The following SEPTIN6 variants were observed in gnomAD, a reference collection of about 807,000 sequenced individuals.
SEPTIN6 encodes the protein septin 6.
SEPTIN6 carries 8 observed loss-of-function variants against 33.6 expected under a neutral mutation model. The ratio of observed to expected loss-of-function variants is 0.24; its 90% CI spans 0.14 to 0.43. The LOEUF (loss-of-function observed/expected upper bound fraction) is 0.43, where lower values mean the gene tolerates loss of function less well. Among genes scored for constraint, SEPTIN6 ranks in the 20% least tolerant of loss-of-function variants. The pLI is 1.00. For synonymous variants in SEPTIN6, 131 were observed against 140.0 expected (o/e 0.94, Z 0.45); for missense variants, 250 against 340.8 (o/e 0.73, Z 2.10).
intron 3 of SEPTIN6, among the ~76,000 whole-genome samples, chrX:119,659,464 G>A (rs770931916): frequency 1.6e-3 from 178 of 111,536 alleles, no homozygotes; most frequent in African/African-American, 5.5e-3. Flanking sequence ...TGCAGTTCTC[G>A]TCTTCCTGGA....
chrX:119,653,147 T>A, intron 3 of SEPTIN6, 107 bp from the exon 4 acceptor site: 1 of 610,718 alleles, frequency 1.6e-6, no homozygotes, highest in Non-Finnish European at 2.5e-6. Context: ...CTCTCTCCCA[T>A]CCAACTGCAT....
At chrX:119,638,910 G>A (rs1243724011) in intron 6 of SEPTIN6, among the ~76,000 whole-genome samples, 1 of 112,094 alleles carries the variant, frequency 8.9e-6, no homozygotes, top group Non-Finnish European at 1.9e-5. Context: ...CCCCTTTTCT[G>A]TTTAGGTTCA....
intron 5 of SEPTIN6, among the ~76,000 whole-genome samples, chrX:119,647,786 T>G (rs2054288226): frequency 9.3e-6 from 1 of 108,018 alleles, no homozygotes; most frequent in South Asian, 3.9e-4. Flanking sequence ...CCTGAGTAGC[T>G]GGGATTACAG....
chrX:119,618,739 C>G lies in SEPTIN6; in HGVS notation c.*1354G>C. On this transcript the variant is annotated 3_prime_UTR_variant, in exon 11 of 11. Transcript: ENST00000394610. Reference sequence around the variant, plus strand: ...TCGGCTTAAAAGGCTAAATGGAGTCCAGTCCAGCTGTAGCGGGGAATACTA... The same window carrying G: ...TCGGCTTAAAAGGCTAAATGGAGTCGAGTCCAGCTGTAGCGGGGAATACTA... 1 of 1,206,620 alleles carries G rather than the reference C, an allele frequency of 8.3e-7. No homozygotes were observed. The highest frequency in any genetic ancestry group is 1.1e-6 in the Non-Finnish European group (1 of 892,820).
chrX:119,671,290 GTTT>G (rs149958364), intron 2 of SEPTIN6, among the ~76,000 whole-genome samples: 1 of 98,311 alleles, frequency 1.0e-5, no homozygotes, highest in Admixed American at 1.1e-4. Context: ...TACACAATAA[GTTT>G]TTTTTTTTTT....
chrX:119,654,772 A>G (rs2054411849), intron 3 of SEPTIN6, among the ~76,000 whole-genome samples: 1 of 110,902 alleles, frequency 9.0e-6, no homozygotes, highest in Non-Finnish European at 1.9e-5. Flanking sequence ...ACTCACTGCA[A>G]CCTCTGCCTC....
intron 9 of SEPTIN6, among the ~76,000 whole-genome samples, chrX:119,626,815 T>C (rs777895949): frequency 9.1e-6 from 1 of 110,396 alleles, no homozygotes; most frequent in South Asian, 3.9e-4. Context: ...GCCTCCTGAG[T>C]AGCTGGGACT....
chrX:119,618,092 G>C lies in SEPTIN6; in HGVS notation c.*2001C>G. ...ATAGAATCATCAAAGTTGCAAATAT[G>C]AAGCCTTTCCCAAGGAGACCTGACA... On this transcript the variant is annotated 3_prime_UTR_variant, in exon 11 of 11. Coordinates refer to ENST00000394610, the MANE Select transcript of SEPTIN6 (RefSeq NM_145799.4). The C allele has an allele frequency of 1.2e-6, 1 of 803,163 alleles. No homozygotes were observed. Among genetic ancestry groups the C allele is most frequent in the Non-Finnish European group, 1.5e-6 (1 of 670,115 alleles). The allele number at this position is 803,163 out of a possible 1,213,427, so 66.2% of individuals were successfully genotyped here. A position where few individuals can be genotyped will look rare whatever the true frequency, so the allele number is the denominator to read the frequency against.
In SEPTIN6 at chrX:119,619,747, T is replaced by G. The variant is rs1384637541; in HGVS notation, c.*346A>C. 31 of 976,190 alleles carry G rather than the reference T, an allele frequency of 3.2e-5. No individual in the cohort carries two copies. Among genetic ancestry groups the G allele is most frequent in the African/African-American group, 4.2e-5 (2 of 47,961 alleles). 80.4% of individuals were successfully genotyped at this position (976,190 alleles called of 1,213,427 possible). A position where few individuals can be genotyped will look rare whatever the true frequency, so the allele number is the denominator to read the frequency against. On this transcript the variant is annotated 3_prime_UTR_variant, in exon 11 of 11. Transcript: ENST00000394610. Reference sequence around the variant, plus strand: ...GAACAGGGGAGCTGGTGGGAAAGAGTAGCAGATGGGCCCCCTGACCATGTC... The same window carrying G: ...GAACAGGGGAGCTGGTGGGAAAGAGGAGCAGATGGGCCCCCTGACCATGTC...
intron 2 of SEPTIN6, among the ~76,000 whole-genome samples, chrX:119,672,208 G>C (rs551824150): frequency 9.0e-6 from 1 of 111,673 alleles, no homozygotes; most frequent in African/African-American, 3.3e-5. Flanking sequence ...TTGACAAGTG[G>C]GGAGCAAAAG....
intron 1 of SEPTIN6, among the ~76,000 whole-genome samples, chrX:119,678,773 T>C (rs1170588994): frequency 9.1e-6 from 1 of 110,348 alleles, no homozygotes; most frequent in Non-Finnish European, 1.9e-5. Context: ...TGAGGTGGAC[T>C]CAGAGTTGAG....
chrX:119,630,556 C>G (rs1269830298), intron 8 of SEPTIN6, among the ~76,000 whole-genome samples: 1 of 112,099 alleles, frequency 8.9e-6, no homozygotes, highest in Non-Finnish European at 1.9e-5. Flanking sequence ...CAAAGAAGAA[C>G]AAGAAGAATA....
chrX:119,687,384 G>C (rs2055075770), intron 1 of SEPTIN6, among the ~76,000 whole-genome samples: 1 of 109,383 alleles, frequency 9.1e-6, no homozygotes, highest in Non-Finnish European at 1.9e-5. Context: ...CAGAGTAGCT[G>C]GGACTACAGG....
intron 2 of SEPTIN6, among the ~76,000 whole-genome samples, chrX:119,671,075 T>C (rs2147610522): frequency 9.0e-6 from 1 of 110,992 alleles, no homozygotes; most frequent in Admixed American, 9.6e-5. Flanking sequence ...TAAACAATAG[T>C]GTGAAAAAAT....
intron 3 of SEPTIN6, among the ~76,000 whole-genome samples, chrX:119,661,153 C>T (rs2054534995): frequency 9.3e-6 from 1 of 107,212 alleles, no homozygotes; most frequent in Admixed American, 1.0e-4. Context: ...TGGCTGGGCA[C>T]GGTGGCTCAC....
At position 119,620,036 on chromosome X, in the gene SEPTIN6, C is replaced by G; in HGVS notation, c.*57G>C. The G allele has an allele frequency of 8.3e-7, 1 of 1,204,024 alleles. No homozygotes were observed. The highest frequency in any genetic ancestry group is 1.1e-6 in the Non-Finnish European group (1 of 891,845). ...GCTCTGTTGCGCAGGAAAAGGGTGT[C>G]TACAGGAAGCCCAAACTGAAAATGA... On this transcript the variant is annotated 3_prime_UTR_variant, in exon 11 of 11. Transcript: ENST00000394610.
intron 1 of SEPTIN6, among the ~76,000 whole-genome samples, chrX:119,679,050 C>A (rs1190793711): frequency 9.0e-6 from 1 of 110,601 alleles, no homozygotes; most frequent in Non-Finnish European, 1.9e-5. Context: ...CAGGTTCAAG[C>A]GATTCTCCTG....
chrX:119,686,302 C>A (rs2055053199), intron 1 of SEPTIN6, among the ~76,000 whole-genome samples: 1 of 111,391 alleles, frequency 9.0e-6, no homozygotes. Context: ...TGAAAGGAAA[C>A]CGAACACGAC....
At chrX:119,669,778 T>C (rs1488143541) in intron 2 of SEPTIN6, among the ~76,000 whole-genome samples, 1 of 111,750 alleles carries the variant, frequency 8.9e-6, no homozygotes, top group Non-Finnish European at 1.9e-5. Context: ...TTCCCAGATA[T>C]GAAGGGATGA....
Sources: allele counts gnomAD v4.1 joint callset (sites outside exome capture counted in the v4.1 genomes callset), GRCh38; gene constraint gnomAD v4.1.1; transcripts MANE v1.5; gene names NCBI Gene and HGNC (gene_info 2026-07-23, HGNC 2026-07-21).